The following AP3B1 variants were observed in gnomAD, a reference collection of about 807,000 sequenced individuals.
The protein encoded by AP3B1 is adaptor related protein complex 3 subunit beta 1.
In AP3B1, 61 loss-of-function variants were observed where a neutral mutation model predicts 132.5. The ratio of observed to expected loss-of-function variants is 0.46; its 90% CI spans 0.37 to 0.57. AP3B1 has a LOEUF of 0.57. Ranked by LOEUF, AP3B1 falls within the 20% of genes least tolerant of loss-of-function variation. The pLI is 0.00. For missense variants in AP3B1, 1,120 were observed against 1,289.4 expected (o/e 0.87, Z 2.01); for synonymous variants, 388 against 438.3 (o/e 0.89, Z 1.43).
At chr5:78,228,923 G>GTT (rs144252229) in intron 3 of AP3B1, among the ~76,000 whole-genome samples, 32 of 151,990 alleles carry the variant, frequency 2.1e-4, no homozygotes, top group African/African-American at 7.2e-4. Context: ...TCTGGAAACA[G>GTT]TTTTTTTTGG....
At chr5:78,081,384 T>C (rs1024003169) in intron 22 of AP3B1, among the ~76,000 whole-genome samples, 15 of 145,324 alleles carry the variant, frequency 1.0e-4, no homozygotes, top group Non-Finnish European at 2.2e-4. Context: ...CTCGGCTCAC[T>C]GCTAGCTCCG....
intron 1 of AP3B1, among the ~76,000 whole-genome samples, chr5:78,292,620 C>A (rs549105343): frequency 2.5e-4 from 38 of 151,850 alleles, no homozygotes; most frequent in African/African-American, 9.2e-4. Context: ...CTGGTAATAA[C>A]CTGCAGGGTT....
chr5:78,177,467 T>C, intron 8 of AP3B1, 31 bp from the exon 9 acceptor site: 1 of 1,495,580 alleles, frequency 6.7e-7, no homozygotes, highest in Non-Finnish European at 9.3e-7. Context: ...ATAACAGAAC[T>C]ATGAACACTA....
chr5:78,159,604 C>T (rs1743304348), intron 13 of AP3B1, among the ~76,000 whole-genome samples: 1 of 152,198 alleles, frequency 6.6e-6, no homozygotes, highest in South Asian at 2.1e-4. Context: ...GTCTCTCTTT[C>T]CCTTATAAAG....
chr5:78,048,417 C>T (rs1378457732), intron 22 of AP3B1, among the ~76,000 whole-genome samples: 5 of 152,102 alleles, frequency 3.3e-5, no homozygotes, highest in African/African-American at 1.2e-4. Flanking sequence ...ACACATTCAG[C>T]CCATGATGGA....
chr5:78,026,174 T>G (rs1747334680), intron 24 of AP3B1, among the ~76,000 whole-genome samples: 1 of 152,182 alleles, frequency 6.6e-6, no homozygotes, highest in Non-Finnish European at 1.5e-5. Flanking sequence ...AATGTGAAAA[T>G]GACTGATGAT....
intron 21 of AP3B1, among the ~76,000 whole-genome samples, chr5:78,091,050 C>T (rs1179001568): frequency 1.3e-5 from 2 of 151,826 alleles, no homozygotes; most frequent in East Asian, 3.9e-4. Flanking sequence ...GCCTCCCAAA[C>T]TGCTGGGATT....
chr5:78,097,256 C>A (rs549339322), intron 21 of AP3B1, among the ~76,000 whole-genome samples: 4 of 100,280 alleles, frequency 4.0e-5, no homozygotes, highest in African/African-American at 1.2e-4. Flanking sequence ...GCCCCCCGCC[C>A]GGCCAGCCAC....
Position 78,173,372 on chromosome 5 carries a change from T to A in AP3B1, c.1167+2254A>T, listed in dbSNP as rs548448093. Among the ~76,000 whole-genome samples the A allele has an allele frequency of 3.9e-5, 6 of 152,252 alleles. No individual in the cohort carries two copies. The South Asian group carries it at 6.2e-4, about 16-fold the overall frequency. ...GACAGTGGGGTGTTAAAGTCTCCCA[T>A]TATTTTTGTGTGGGAGTCTAAGTCT... On this transcript the variant is annotated intron_variant, in intron 11 of 26. Coordinates refer to ENST00000255194, the MANE Select transcript of AP3B1 (RefSeq NM_003664.5).
chr5:78,164,556 A>G (rs1354713422), intron 12 of AP3B1, among the ~76,000 whole-genome samples: 4 of 152,154 alleles, frequency 2.6e-5, no homozygotes, highest in African/African-American at 2.4e-5. Context: ...CTTTAAATAA[A>G]TAAAATTATA....
intron 1 of AP3B1, among the ~76,000 whole-genome samples, chr5:78,288,015 A>G (rs1749355231): frequency 6.6e-6 from 1 of 152,220 alleles, no homozygotes; most frequent in Non-Finnish European, 1.5e-5. Flanking sequence ...TGAGCACAAG[A>G]GAAAGGAATT....
chr5:78,218,040 T>A (rs924629696), intron 6 of AP3B1, among the ~76,000 whole-genome samples: 1 of 151,882 alleles, frequency 6.6e-6, no homozygotes. Context: ...CTAACAAATA[T>A]CATTAATTAA....
In AP3B1 at chr5:78,110,452, G is replaced by A; in HGVS notation, c.2250-98C>T. On this transcript the variant is annotated intron_variant, in intron 19 of 26. Transcript: ENST00000255194. ...TTAAATTCCAGAATACATTAATGAGGTAATAAAAAAGGTATTACCCATAAC... is the reference window on the plus strand; with the variant it reads ...TTAAATTCCAGAATACATTAATGAGATAATAAAAAAGGTATTACCCATAAC... 8.1e-6 allele frequency: 7 copies of A among 864,028 alleles called. No individual in the cohort carries two copies. In the East Asian group the frequency reaches 1.6e-4, roughly 20 times the overall value. The allele number at this position is 864,028 out of a possible 1,614,324, so 53.5% of individuals were successfully genotyped here.
At chr5:78,197,323 C>T (rs1009627979) in intron 7 of AP3B1, among the ~76,000 whole-genome samples, 1 of 151,878 alleles carries the variant, frequency 6.6e-6, no homozygotes, top group Non-Finnish European at 1.5e-5. Context: ...TTTCACTTTG[C>T]TCTAAAACAT....
At chr5:78,233,354 C>T (rs1266674312) in intron 3 of AP3B1, among the ~76,000 whole-genome samples, 1 of 151,958 alleles carries the variant, frequency 6.6e-6, no homozygotes, top group African/African-American at 2.4e-5. Context: ...CTGTCTCAAC[C>T]TCCAGAGTAG....
At chr5:78,289,029 T>G (rs951404870) in intron 1 of AP3B1, among the ~76,000 whole-genome samples, 1 of 141,260 alleles carries the variant, frequency 7.1e-6, no homozygotes, top group Non-Finnish European at 1.6e-5. Context: ...CAAACAAGTT[T>G]AGAACCCATA....
At chr5:78,015,151 C>A (rs926536268) in intron 26 of AP3B1, among the ~76,000 whole-genome samples, 3 of 151,960 alleles carry the variant, frequency 2.0e-5, no homozygotes, top group Non-Finnish European at 4.4e-5. Context: ...TATAAATTAC[C>A]AAGCTATTAT....
intron 22 of AP3B1, among the ~76,000 whole-genome samples, chr5:78,083,439 C>T (rs1750099480): frequency 6.6e-6 from 1 of 152,158 alleles, no homozygotes; most frequent in Admixed American, 6.5e-5. Flanking sequence ...CACATTTATT[C>T]TTACACACAA....
intron 6 of AP3B1, among the ~76,000 whole-genome samples, chr5:78,223,030 T>TG (rs1263191602): frequency 7.5e-5 from 11 of 146,232 alleles, no homozygotes; most frequent in African/African-American, 2.8e-4. Context: ...TTTGTTTCTT[T>TG]TTTTTTTTTT....
Sources: gnomAD v4.1 joint callset for allele counts (sites outside exome capture counted in the v4.1 genomes callset) on GRCh38, gnomAD v4.1.1 for gene constraint, MANE v1.5 for transcripts, NCBI Gene and HGNC (gene_info 2026-07-23, HGNC 2026-07-21) for gene names.